DLGAP1: variants seen among roughly 807,000 people sequenced by gnomAD.
DLGAP1 encodes disks large-associated protein 1.
A neutral mutation model predicts 90.8 loss-of-function variants in DLGAP1; 11 were observed. The ratio of observed to expected loss-of-function variants is 0.12; its 90% CI spans 0.08 to 0.20. DLGAP1 has a LOEUF of 0.20. Among genes scored for constraint, DLGAP1 ranks in the 10% least tolerant of loss-of-function variants. The probability of loss-of-function intolerance (pLI) is 1.00; values close to 1 mark genes in which losing one functional copy is unlikely to be tolerated. For synonymous variants in DLGAP1, 558 were observed against 540.7 expected (o/e 1.03, Z -0.44); for missense variants, 1,050 against 1,333.8 (o/e 0.79, Z 3.31).
intron 9 of DLGAP1, among the ~76,000 whole-genome samples, chr18:3,538,206 T>A (rs1302630334): frequency 6.6e-6 from 1 of 152,206 alleles, no homozygotes; most frequent in Non-Finnish European, 1.5e-5. Context: ...GGTATTGATC[T>A]GTGTCAGTTA....
At chr18:4,070,527 A>AAC (rs145178752) in intron 2 of DLGAP1, among the ~76,000 whole-genome samples, 124,919 of 151,438 alleles carry the variant, frequency 0.82, 51,738 homozygotes, top group East Asian at 0.94. Flanking sequence ...TTTTTTGCAT[A>AAC]AGGTTTTCCC....
At chr18:4,032,977 AT>A (rs1302667244) in intron 2 of DLGAP1, among the ~76,000 whole-genome samples, 2 of 152,166 alleles carry the variant, frequency 1.3e-5, no homozygotes, top group Non-Finnish European at 2.9e-5. Context: ...ATGAATGAAT[AT>A]TATTGTAAGC....
intron 3 of DLGAP1, among the ~76,000 whole-genome samples, chr18:3,961,522 TTC>T (rs1417774766): frequency 1.3e-5 from 2 of 151,234 alleles, no homozygotes; most frequent in African/African-American, 4.9e-5. Context: ...CCCATTTCTC[TTC>T]CCACACCTGG....
chr18:4,059,009 T>A (rs933389600), intron 2 of DLGAP1, among the ~76,000 whole-genome samples: 1 of 152,218 alleles, frequency 6.6e-6, no homozygotes, highest in African/African-American at 2.4e-5. Flanking sequence ...AAGGCTAGTC[T>A]GAGGCTAACA....
chr18:4,327,051 G>C (rs935850750), intron 1 of DLGAP1, among the ~76,000 whole-genome samples: 3 of 151,310 alleles, frequency 2.0e-5, no homozygotes, highest in African/African-American at 7.3e-5. Context: ...AAAGGCATGG[G>C]GGTGGGAATG....
At chr18:4,299,333 T>G (rs895766949) in intron 1 of DLGAP1, among the ~76,000 whole-genome samples, 2 of 152,186 alleles carry the variant, frequency 1.3e-5, no homozygotes, top group African/African-American at 4.8e-5. Context: ...AACAGATCTA[T>G]CTCTAAAAGA....
At chr18:3,874,904 C>T (rs551712177) in intron 4 of DLGAP1, 418 of 613,020 alleles carry the variant, frequency 6.8e-4, no homozygotes, top group Non-Finnish European at 8.7e-4. Flanking sequence ...GGACTTGCAA[C>T]GATTTCAAGC....
At chr18:4,226,702 T>G (rs1218321038) in intron 1 of DLGAP1, among the ~76,000 whole-genome samples, 2 of 141,552 alleles carry the variant, frequency 1.4e-5, no homozygotes, top group Admixed American at 1.4e-4. Context: ...AAAAAAACAG[T>G]GTATACACAA....
chr18:3,592,518 G>T (rs1010945576), intron 7 of DLGAP1, among the ~76,000 whole-genome samples: 9 of 152,218 alleles, frequency 5.9e-5, no homozygotes, highest in African/African-American at 1.9e-4. Context: ...TCCTTACTCT[G>T]TGTACTGGAC....
At chr18:3,952,074 TAG>T (rs1000330011) in intron 3 of DLGAP1, among the ~76,000 whole-genome samples, 1 of 152,162 alleles carries the variant, frequency 6.6e-6, no homozygotes, top group Admixed American at 6.5e-5. Context: ...ATTTCTATAA[TAG>T]AGAGATAGTT....
intron 2 of DLGAP1, among the ~76,000 whole-genome samples, chr18:4,090,128 C>A (rs560636355): frequency 4.6e-5 from 7 of 152,144 alleles, no homozygotes; most frequent in Non-Finnish European, 8.8e-5. Context: ...AATGTAAATC[C>A]CAAACTATAA....
At chr18:3,787,255 G>A (rs1260422948) in intron 5 of DLGAP1, among the ~76,000 whole-genome samples, 4 of 151,818 alleles carry the variant, frequency 2.6e-5, no homozygotes, top group Admixed American at 6.6e-5. Flanking sequence ...AGGCCGAGGC[G>A]GGCGGATCAC....
At chr18:3,687,735 T>C (rs2060749191) in intron 7 of DLGAP1, among the ~76,000 whole-genome samples, 1 of 151,970 alleles carries the variant, frequency 6.6e-6, no homozygotes, top group Non-Finnish European at 1.5e-5. Flanking sequence ...AACTCAGAAC[T>C]CAATGCCAAA....
At chr18:3,704,635 G>A (rs950375775) in intron 7 of DLGAP1, among the ~76,000 whole-genome samples, 5 of 151,660 alleles carry the variant, frequency 3.3e-5, no homozygotes, top group Admixed American at 6.6e-5. Context: ...GGTCATTTTG[G>A]GGGTCCATTG....
At chr18:3,999,698 G>A (rs1265827687) in intron 3 of DLGAP1, among the ~76,000 whole-genome samples, 1 of 101,356 alleles carries the variant, frequency 9.9e-6, no homozygotes, top group Non-Finnish European at 1.9e-5. Flanking sequence ...TATATTTCAA[G>A]TGTCGCTTAC....
intron 3 of DLGAP1, among the ~76,000 whole-genome samples, chr18:3,964,078 A>G (rs2073268008): frequency 6.6e-6 from 1 of 152,164 alleles, no homozygotes; most frequent in East Asian, 1.9e-4. Context: ...CGTCATTCCT[A>G]AGATAAAATT....
intron 7 of DLGAP1, among the ~76,000 whole-genome samples, chr18:3,652,175 A>G (rs2059334151): frequency 6.7e-6 from 1 of 149,564 alleles, no homozygotes; most frequent in Admixed American, 6.6e-5. Flanking sequence ...AAAAAAAAAA[A>G]AAAAAGAAAA....
intron 2 of DLGAP1, among the ~76,000 whole-genome samples, chr18:4,088,629 T>C (rs926306558): frequency 1.2e-4 from 19 of 152,336 alleles, no homozygotes; most frequent in Non-Finnish European, 2.2e-4. Flanking sequence ...TTATTTGCTG[T>C]GGTTTTGGGA....
intron 2 of DLGAP1, among the ~76,000 whole-genome samples, chr18:4,070,393 C>T (rs2075429615): frequency 6.6e-6 from 1 of 152,092 alleles, no homozygotes; most frequent in African/African-American, 2.4e-5. Flanking sequence ...GATTCAGAGT[C>T]CAGAGTGCTC....
Sources: allele counts gnomAD v4.1 joint callset (sites outside exome capture counted in the v4.1 genomes callset), GRCh38; gene constraint gnomAD v4.1.1; transcripts MANE v1.5; gene names NCBI Gene and HGNC (gene_info 2026-07-23, HGNC 2026-07-21).